EIF2S3B: variants seen among roughly 807,000 people sequenced by gnomAD.
The protein encoded by EIF2S3B is eukaryotic translation initiation factor 2 subunit 3B.
EIF2S3B carries 16 observed loss-of-function variants against 26.4 expected under a neutral mutation model. That is an observed-to-expected ratio of 0.61 (90% confidence interval 0.41 to 0.92). EIF2S3B has a LOEUF of 0.92. Ranked by LOEUF, EIF2S3B falls within the 40% of genes least tolerant of loss-of-function variation. EIF2S3B has a pLI of 0.00. For missense variants in EIF2S3B, 510 were observed against 575.5 expected, an observed-to-expected ratio of 0.89 and a Z score of 1.16; for synonymous variants, 183 against 204.4, an observed-to-expected ratio of 0.90 and a Z score of 0.89.
downstream of EIF2S3B, among the ~76,000 whole-genome samples, chr12:10,513,146 AC>A (rs1359782971): frequency 2.0e-5 from 3 of 152,216 alleles, no homozygotes; most frequent in Non-Finnish European, 4.4e-5. Context: ...TTTTATACAT[AC>A]TTTATTGCTT....
At chr12:10,513,398 G>A (rs1864723634), downstream of EIF2S3B, among the ~76,000 whole-genome samples, 1 of 152,200 alleles carries the variant, frequency 6.6e-6, no homozygotes, top group Non-Finnish European at 1.5e-5. Flanking sequence ...TACTAGGGCT[G>A]AAATCAACAC....
At chr12:10,515,235 A>G (rs541375180) in intron 1 of EIF2S3B, among the ~76,000 whole-genome samples, 1 of 152,028 alleles carries the variant, frequency 6.6e-6, no homozygotes, top group Non-Finnish European at 1.5e-5. Flanking sequence ...TCAAGATGTT[A>G]TATGACATTC....
rs1035064075 is a variant in EIF2S3B at position 10,507,890 on chromosome 12, A to G, written c.*569A>G. ...GCGTGAGCCACCTTGCCTAGCCCAC[A>G]TCATGCAGTTTGAAATGAAACTTTG... is the stretch of plus-strand genomic sequence containing the variant. On this transcript the variant is annotated 3_prime_UTR_variant, in exon 1 of 1. Coordinates refer to ENST00000538173, the MANE Select transcript of EIF2S3B (RefSeq NM_001357734.3). Among the ~76,000 whole-genome samples the G allele has an allele frequency of 6.6e-6, 1 of 152,190 alleles. No homozygotes were observed. Among genetic ancestry groups the G allele is most frequent in the South Asian group, 2.1e-4 (1 of 4,832 alleles).
chr12:10,514,119 T>C (rs1864731747), intron 1 of EIF2S3B, among the ~76,000 whole-genome samples: 1 of 152,232 alleles, frequency 6.6e-6, no homozygotes, highest in Non-Finnish European at 1.5e-5. Flanking sequence ...AATAATTTTT[T>C]TGAACTCAGT....
In EIF2S3B at chr12:10,505,950, G is replaced by A. The variant is rs759676641; in HGVS notation, c.48G>A (p.Ser16=). The A allele has an allele frequency of 4.5e-5, 72 of 1,603,224 alleles. No individual in the cohort carries two copies. Among genetic ancestry groups the A allele is most frequent in the Admixed American group, 1.2e-4 (7 of 59,976 alleles). ...AGVTLGQPHL[S]RQDLTTLDVT... ...TGACTCTGGGGCAGCCGCACCTTTCGCGTCAGGATCTCACCACCTTGGATG... is the reference window on the plus strand; with the variant it reads ...TGACTCTGGGGCAGCCGCACCTTTCACGTCAGGATCTCACCACCTTGGATG... The change falls in exon 1 of 1, where the codon TCG becomes TCA. Residue 16 remains serine (S), a synonymous_variant. Transcript: ENST00000538173.
downstream of EIF2S3B, among the ~76,000 whole-genome samples, chr12:10,511,320 T>C (rs1864702673): frequency 6.6e-6 from 1 of 152,152 alleles, no homozygotes; most frequent in African/African-American, 2.4e-5. Flanking sequence ...TATCATCATT[T>C]ACTGAATTAT....
At chr12:10,517,116 C>T (rs906487570) in intron 1 of EIF2S3B, among the ~76,000 whole-genome samples, 23 of 152,032 alleles carry the variant, frequency 1.5e-4, no homozygotes, top group African/African-American at 4.8e-4. Context: ...CAGGGTGATG[C>T]TGGCCTCATA....
exon 2 of EIF2S3B, chr12:10,522,737 A>C (rs997804358): frequency 8.8e-6 from 6 of 678,696 alleles, no homozygotes; most frequent in African/African-American, 5.3e-5. Flanking sequence ...AAAAGAAAAC[A>C]TGATCCCCTT....
downstream of EIF2S3B, among the ~76,000 whole-genome samples, chr12:10,512,524 C>T (rs1333003391): frequency 6.6e-6 from 1 of 152,062 alleles, no homozygotes; most frequent in African/African-American, 2.4e-5. Flanking sequence ...CCTTGACTGT[C>T]CTTTTCAGAA....
downstream of EIF2S3B, among the ~76,000 whole-genome samples, chr12:10,512,672 A>C (rs1864717078): frequency 6.6e-6 from 1 of 151,594 alleles, no homozygotes; most frequent in Admixed American, 6.6e-5. Flanking sequence ...CCACTGAAAA[A>C]CTCCAAAATT....
At chr12:10,521,673 A>G (rs1864834248) in intron 1 of EIF2S3B, among the ~76,000 whole-genome samples, 1 of 152,214 alleles carries the variant, frequency 6.6e-6, no homozygotes, top group South Asian at 2.1e-4. Flanking sequence ...AAGTTAACTA[A>G]GGGTGTAAGG....
chr12:10,507,448 C>A lies in EIF2S3B; in HGVS notation c.*127C>A. The A allele has an allele frequency of 2.8e-6, 3 of 1,070,518 alleles. No homozygotes were observed. Among genetic ancestry groups the A allele is most frequent in the Non-Finnish European group, 1.4e-6 (1 of 729,754 alleles). The allele number at this position is 1,070,518 out of a possible 1,614,324, so 66.3% of individuals were successfully genotyped here. On this transcript the variant is annotated 3_prime_UTR_variant, in exon 1 of 1. Coordinates refer to ENST00000538173, the MANE Select transcript of EIF2S3B (RefSeq NM_001357734.3). Reference sequence around the variant, plus strand: ...CACAGTTTGTTACCTTAGTAGGTAACGGTAAGGTTATTCTCTCTTTTTTTT... The same window carrying A: ...CACAGTTTGTTACCTTAGTAGGTAAAGGTAAGGTTATTCTCTCTTTTTTTT...
chr12:10,521,477 T>C (rs1451244101), intron 1 of EIF2S3B, among the ~76,000 whole-genome samples: 1 of 152,148 alleles, frequency 6.6e-6, no homozygotes, highest in East Asian at 1.9e-4. Flanking sequence ...TGATAGTCTT[T>C]AGTTCAAATC....
chr12:10,523,104 T>C (rs2137960180), exon 2 of EIF2S3B: 1 of 152,362 alleles, frequency 6.6e-6, no homozygotes, highest in East Asian at 1.9e-4. Context: ...AAAATTCTGA[T>C]GTTTAAAAAA....
chr12:10,522,276 A>G (rs1864839795), intron 1 of EIF2S3B, among the ~76,000 whole-genome samples: 1 of 152,218 alleles, frequency 6.6e-6, no homozygotes, highest in Non-Finnish European at 1.5e-5. Context: ...TTTAGGCTGC[A>G]GTGAGCCATG....
In EIF2S3B at chr12:10,508,001, T is replaced by A. The variant is rs1864663688; in HGVS notation, c.*680T>A. ...TTTTTTTGTTTTTCATGATTCGTCT[T>A]TGAGTACCTCCAGGCTGAAGGACTG... On this transcript the variant is annotated 3_prime_UTR_variant, in exon 1 of 1. Coordinates refer to ENST00000538173, the MANE Select transcript of EIF2S3B (RefSeq NM_001357734.3). Among the ~76,000 whole-genome samples the A allele has an allele frequency of 6.6e-6, 1 of 152,218 alleles. No homozygotes were observed. Among genetic ancestry groups the A allele is most frequent in the Non-Finnish European group, 1.5e-5 (1 of 68,024 alleles).
intron 1 of EIF2S3B, among the ~76,000 whole-genome samples, chr12:10,521,136 C>A: frequency 6.6e-6 from 1 of 152,072 alleles, no homozygotes; most frequent in East Asian, 1.9e-4. Flanking sequence ...CAAGTGATAA[C>A]CATATTATGA....
intron 1 of EIF2S3B, among the ~76,000 whole-genome samples, chr12:10,517,995 T>G (rs1218492842): frequency 1.3e-5 from 2 of 151,946 alleles, no homozygotes; most frequent in Non-Finnish European, 2.9e-5. Flanking sequence ...ATAATTTCTG[T>G]TCTTTTACAT....
In EIF2S3B at chr12:10,514,558, G is replaced by A. The variant is rs190890293; in HGVS notation, c.1308+7348G>A. Among the ~76,000 whole-genome samples, 616 of 152,196 alleles carry A rather than the reference G, an allele frequency of 4.0e-3. 6 individuals are homozygous for A. The highest frequency in any genetic ancestry group is 0.014 in the African/African-American group (580 of 41,526). On this transcript the variant is annotated intron_variant, in intron 1 of 1. Coordinates refer to the EIF2S3B transcript ENST00000322446. ...AGACACAGACCAATTCTTTCTGGTTGTCTCCAGTGATATACCACAAAGCAC... is the reference window on the plus strand; with the variant it reads ...AGACACAGACCAATTCTTTCTGGTTATCTCCAGTGATATACCACAAAGCAC...
Sources: gnomAD v4.1 joint callset for allele counts (sites outside exome capture counted in the v4.1 genomes callset) on GRCh38, gnomAD v4.1.1 for gene constraint, MANE v1.5 for transcripts, NCBI Gene and HGNC (gene_info 2026-07-23, HGNC 2026-07-21) for gene names.